ZNF318: variants seen among roughly 807,000 people sequenced by gnomAD.
ZNF318 encodes endocrine regulator.
ZNF318 carries 51 observed loss-of-function variants against 124.2 expected under a neutral mutation model. That is an observed-to-expected ratio of 0.41 (90% CI 0.33 to 0.52). ZNF318 has a LOEUF of 0.52. ZNF318 is among the 20% of genes least tolerant of loss of function. The pLI is 0.23. For synonymous variants in ZNF318, 1,090 were observed against 1,040.7 expected (o/e 1.05, Z -0.91); for missense variants, 2,815 against 2,811.2 (o/e 1.00, Z -0.03).
rs1159409084 is a variant in ZNF318, at chr6:43,357,147, G to A, written c.1167C>T (p.Asp389=). 1 of 1,613,230 alleles carries A rather than the reference G, an allele frequency of 6.2e-7. No homozygotes were observed. Among genetic ancestry groups the A allele is most frequent in the South Asian group, 1.1e-5 (1 of 90,972 alleles). The change falls in exon 3 of 10, where the codon GAC becomes GAT. Residue 389 remains aspartate (D), a synonymous_variant. Transcript: ENST00000361428. The stretch of plus-strand genomic sequence containing the variant: ...AGACCTGCATGGAGGGCTCCATTAT[G>A]TCCACCTCAATCCGCTTCTTCAAAA... ...KSILKKRIEV[D]IMEPSMQLES...
chr6:43,350,822 T>A (rs1479390978), intron 5 of ZNF318, among the ~76,000 whole-genome samples: 1 of 152,058 alleles, frequency 6.6e-6, no homozygotes, highest in Non-Finnish European at 1.5e-5. Context: ...TCAAAAAAAA[T>A]TTTTAAATAA....
chr6:43,357,094 G>A (rs1298876999), intron 3 of ZNF318, 32 bp downstream of exon 3: 22 of 1,573,956 alleles, frequency 1.4e-5, no homozygotes, highest in Non-Finnish European at 1.9e-5. Context: ...AGGGAGACTA[G>A]CAAGAGGCCC....
At chr6:43,340,940 A>G (rs777448969) in intron 8 of ZNF318, 32 bp from the exon 9 acceptor site, 2 of 1,495,300 alleles carry the variant, frequency 1.3e-6, no homozygotes, top group African/African-American at 2.8e-5. Context: ...CAAGGAAATA[A>G]GTCGATTCCA....
At chr6:43,341,373 C>T (rs1156538267) in intron 8 of ZNF318, among the ~76,000 whole-genome samples, 1 of 152,204 alleles carries the variant, frequency 6.6e-6, no homozygotes, top group African/African-American at 2.4e-5. Flanking sequence ...AGTTTATGGG[C>T]TGAGCACAGT....
Position 43,338,819 on chromosome 6 carries a change from G to A in ZNF318, c.5179C>T (p.Pro1727Ser). The change falls in exon 10 of 10, where the codon CCT (proline) becomes TCT (serine). Residue 1727 changes from proline (P) to serine (S), a missense_variant. Pro to Ser is a moderately conservative substitution (Grantham distance 74, BLOSUM62 -1). Coordinates refer to ENST00000361428, the MANE Select transcript of ZNF318 (RefSeq NM_014345.3). ...AGTTGAGGAGGTGGTTCTACACCAG[G>A]TGGTCCTGGCTCTCCCAGGTCAAGC... ...SELDLGEPGPPGVEPPPQLLD... is the reference protein window; with the variant it reads ...SELDLGEPGPSGVEPPPQLLD... 1.2e-6 allele frequency: 2 copies of A among 1,614,080 alleles called. No homozygotes were observed. Among genetic ancestry groups the A allele is most frequent in the Non-Finnish European group, 1.7e-6 (2 of 1,180,016 alleles).
In ZNF318 at chr6:43,342,693, T is replaced by C; in HGVS notation, c.3259A>G (p.Asn1087Asp). The change falls in exon 7 of 10, where the codon AAT becomes GAT. Residue 1087 changes from asparagine (N) to aspartate (D), a missense_variant. This residue lies in a region of ZNF318 where 500 missense variants were observed against 605.2 expected (regional missense o/e 0.83). Coordinates refer to ENST00000361428, the MANE Select transcript of ZNF318 (RefSeq NM_014345.3). The stretch of plus-strand genomic sequence containing the variant: ...ATACCAACCTGTGTGTGCTTCTTAT[T>C]GTGCATATGAGTGAAGAAATCAAAC... Reference protein sequence around the residue: ...TMFDFFTHMHNKKHTQTLDPY... With the variant: ...TMFDFFTHMHDKKHTQTLDPY... 6.2e-7 allele frequency: 1 copy of C among 1,614,200 alleles called. No homozygotes were observed. Among genetic ancestry groups the C allele is most frequent in the South Asian group, 1.1e-5 (1 of 91,088 alleles).
At chr6:43,360,340 C>T (rs1183849208) in intron 2 of ZNF318, among the ~76,000 whole-genome samples, 4 of 152,198 alleles carry the variant, frequency 2.6e-5, no homozygotes, top group South Asian at 2.1e-4. Context: ...AGCTCATGTC[C>T]TCCTTCCCCA....
intron 2 of ZNF318, among the ~76,000 whole-genome samples, chr6:43,358,288 C>T (rs551717908): frequency 6.6e-6 from 1 of 152,292 alleles, no homozygotes; most frequent in African/African-American, 2.4e-5. Flanking sequence ...CGCTCTGTCA[C>T]CCAGGCTGGA....
At chr6:43,350,870 A>G in intron 5 of ZNF318, among the ~76,000 whole-genome samples, 1 of 152,192 alleles carries the variant, frequency 6.6e-6, no homozygotes, top group East Asian at 1.9e-4. Context: ...AGACTCATCA[A>G]TGGATGCTAA....
chr6:43,344,597 A>T (rs1225111458), intron 6 of ZNF318, among the ~76,000 whole-genome samples: 1 of 152,052 alleles, frequency 6.6e-6, no homozygotes, highest in Non-Finnish European at 1.5e-5. Context: ...ACTTTCTCTA[A>T]CCACTCTATA....
Position 43,338,180 on chromosome 6 carries a change from G to A in ZNF318, c.5818C>T (p.Leu1940Phe), listed in dbSNP as rs755632244. The A allele has an allele frequency of 1.2e-5, 20 of 1,614,060 alleles. No individual in the cohort carries two copies. Among genetic ancestry groups the A allele is most frequent in the Non-Finnish European group, 1.5e-5 (18 of 1,180,006 alleles). ...SRTSRYRSLK[L>F]KRERSKDFQV... ...AAGTCTTTTGATCTTTCTCTCTTGA[G>A]TTTGAGACTTCTGTACCTAGAAGTT... The change falls in exon 10 of 10, where the codon CTC becomes TTC. Residue 1940 changes from leucine to phenylalanine, a missense_variant. Physicochemically the swap from Leu to Phe is conservative, Grantham distance 22. This residue lies in a region of ZNF318 where 927 missense variants were observed against 820.6 expected (regional missense o/e 1.13). Coordinates refer to ENST00000361428, the MANE Select transcript of ZNF318 (RefSeq NM_014345.3).
At chr6:43,364,020 T>C (rs1779724392) in intron 2 of ZNF318, 1 of 757,528 alleles carries the variant, frequency 1.3e-6, no homozygotes, top group Non-Finnish European at 2.3e-6. Flanking sequence ...CCAAGGGCAC[T>C]GGCATCGTCT....
In ZNF318 at chr6:43,355,523, C is replaced by G. The variant is rs1779594182; in HGVS notation, c.1811G>C (p.Gly604Ala). The change falls in exon 4 of 10, where the codon GGA becomes GCA. Residue 604 changes from glycine (G) to alanine (A), a missense_variant. Physicochemically the swap from Gly to Ala is moderately conservative, Grantham distance 60 (BLOSUM62 0). Around this residue, in one of 4 missense-constraint regions of ZNF318, gnomAD observed 1,377 missense variants for 1,353.5 expected, o/e 1.02. Coordinates refer to ENST00000361428, the MANE Select transcript of ZNF318 (RefSeq NM_014345.3). ...DLLKTIGLDI[G>A]VAEISQLAAR... ...AGCCAATTGACTAATCTCTGCTACT[C>G]CAATATCCAGCCCTATTGTCTTGAG... 6.2e-7 allele frequency: 1 copy of G among 1,614,078 alleles called. No homozygotes were observed. The highest frequency in any genetic ancestry group is 1.3e-5 in the African/African-American group (1 of 74,936).
chr6:43,362,714 G>A (rs1779699480), intron 2 of ZNF318, among the ~76,000 whole-genome samples: 1 of 151,890 alleles, frequency 6.6e-6, no homozygotes, highest in Admixed American at 6.6e-5. Flanking sequence ...ATGTTGGCCA[G>A]GATGGTCTCG....
rs1779356461 is a variant in ZNF318, at chr6:43,340,355, TTTC to T, written c.3640_3642del (p.Glu1214del). ...ACTTCTTTCACAGCCTTTGCCTTTT[TTTC>T]TTTCTTCTCCTCCTTTGGTTTCTCA... On this transcript the variant is annotated inframe_deletion, in exon 10 of 10. Coordinates refer to ENST00000361428, the MANE Select transcript of ZNF318 (RefSeq NM_014345.3). The T allele has an allele frequency of 6.2e-7, 1 of 1,614,104 alleles. No homozygotes were observed. Among genetic ancestry groups the T allele is most frequent in the Non-Finnish European group, 8.5e-7 (1 of 1,180,062 alleles).
In ZNF318 at chr6:43,339,120, C is replaced by T. The variant is rs1338157435; in HGVS notation, c.4878G>A (p.Glu1626=). The T allele has an allele frequency of 3.7e-6, 6 of 1,614,100 alleles. No individual in the cohort carries two copies. In the African/African-American group the frequency reaches 4.0e-5, roughly 11 times the overall value. ...SPLNSSASQE[E]LHQDEGLVAA... ...CGACCAAACCCTCATCTTGATGCAA[C>T]TCCTCTTGGGATGCACTGCTGTTCA... Residue 1626 remains glutamate (E), a synonymous_variant, in exon 10 of 10, where the codon GAG becomes GAA. Transcript: ENST00000361428. The surrounding 1 kb of genome is among the most constrained non-coding windows in gnomAD (Gnocchi z 4.2).
chr6:43,347,701 A>G (rs1324760292), intron 6 of ZNF318, among the ~76,000 whole-genome samples: 1 of 152,246 alleles, frequency 6.6e-6, no homozygotes, highest in African/African-American at 2.4e-5. Context: ...TGACTAGAAC[A>G]TAAAACTGGC....
chr6:43,355,909 G>A lies in ZNF318; in HGVS notation c.1425C>T (p.Cys475=), dbSNP rs777934614. 6.2e-7 allele frequency: 1 copy of A among 1,614,206 alleles called. No homozygotes were observed. Among genetic ancestry groups the A allele is most frequent in the Middle Eastern group, 1.6e-4 (1 of 6,062 alleles). Residue 475 remains cysteine, a synonymous_variant, in exon 4 of 10, where the codon TGC becomes TGT. Transcript: ENST00000361428. ...CCTTCAAATCCAAATTATCCTTGTG[G>A]CATAGAAAACTTCCAAATTTTTCTC... The part of the protein sequence containing the change: ...PLREKFGSFL[C]HKDNLDLKAE...
At position 43,369,448 on chromosome 6, in the gene ZNF318, A is replaced by AGCC; in HGVS notation, c.-86_-84dup. On this transcript the variant is annotated 5_prime_UTR_variant, in exon 1 of 10. Transcript: ENST00000361428. The stretch of plus-strand genomic sequence containing the variant: ...GCTCGGAGCGCGCCGCCGCAGCTGC[A>AGCC]GCCGCCGCCACCTCGGCCGCTGCGC... 9.3e-7 allele frequency: 1 copy of AGCC among 1,079,578 alleles called. No individual in the cohort carries two copies. Among genetic ancestry groups the AGCC allele is most frequent in the East Asian group, 4.5e-5 (1 of 22,176 alleles). 66.9% of individuals were successfully genotyped at this position (1,079,578 alleles called of 1,614,324 possible). A position where few individuals can be genotyped will look rare whatever the true frequency, so the allele number is the denominator to read the frequency against.
Sources: allele counts gnomAD v4.1 joint callset (sites outside exome capture counted in the v4.1 genomes callset), GRCh38; gene constraint gnomAD v4.1.1; regional missense constraint gnomAD v4.1.1; non-coding constraint Gnocchi (gnomAD v3.1); transcripts MANE v1.5; gene names NCBI Gene and HGNC (gene_info 2026-07-23, HGNC 2026-07-21).